Variants in TPH2 observed in about 807,000 individuals in gnomAD.
TPH2 encodes the protein tryptophan hydroxylase 2, also known as tryptophan 5-hydroxylase 2.
In TPH2, 27 loss-of-function variants were observed where a neutral mutation model predicts 59.1. That is an observed-to-expected ratio of 0.46 (90% CI 0.34 to 0.63). The LOEUF (loss-of-function observed/expected upper bound fraction) is 0.63. Ranked by LOEUF, TPH2 falls within the 30% of genes least tolerant of loss-of-function variation. The pLI is 0.01. For missense variants in TPH2, 523 were observed against 588.3 expected (o/e 0.89, Z 1.15); for synonymous variants, 220 against 210.5 (o/e 1.05, Z -0.39).
At chr12:71,949,787 C>A in intron 5 of TPH2, 132 bp downstream of exon 5, 1 of 722,268 alleles carries the variant, frequency 1.4e-6, no homozygotes, top group South Asian at 1.5e-5. Flanking sequence ...CACTCACCAA[C>A]TCTGTAGGCT....
At chr12:71,967,699 G>C (rs878882432) in intron 5 of TPH2, among the ~76,000 whole-genome samples, 1 of 152,160 alleles carries the variant, frequency 6.6e-6, no homozygotes, top group African/African-American at 2.4e-5. Flanking sequence ...CTGTTGAGGA[G>C]TATTATCTTG....
At chr12:72,002,892 A>G (rs1872862540) in intron 8 of TPH2, among the ~76,000 whole-genome samples, 1 of 152,126 alleles carries the variant, frequency 6.6e-6, no homozygotes, top group African/African-American at 2.4e-5. Flanking sequence ...TTTGGTGGTC[A>G]TGAATCACGT....
intron 7 of TPH2, among the ~76,000 whole-genome samples, chr12:71,980,062 G>A (rs1872232528): frequency 6.6e-6 from 1 of 152,168 alleles, no homozygotes; most frequent in African/African-American, 2.4e-5. Flanking sequence ...GAGATGGAGA[G>A]TCCTGGGTGC....
At chr12:71,942,661 C>T (rs1459460149) in intron 2 of TPH2, among the ~76,000 whole-genome samples, 3 of 152,080 alleles carry the variant, frequency 2.0e-5, no homozygotes, top group Non-Finnish European at 4.4e-5. Context: ...GCTGGGACGA[C>T]ATAATATGAG....
At chr12:71,984,408 A>G (rs188258597) in intron 7 of TPH2, among the ~76,000 whole-genome samples, 401 of 152,270 alleles carry the variant, frequency 2.6e-3, no homozygotes, top group African/African-American at 9.4e-3. Context: ...GATGTCTCTC[A>G]CTAGGTCCAT....
At chr12:71,970,591 GC>G (rs1306815777) in intron 5 of TPH2, among the ~76,000 whole-genome samples, 1 of 152,148 alleles carries the variant, frequency 6.6e-6, no homozygotes, top group African/African-American at 2.4e-5. Flanking sequence ...GCCCTTATTA[GC>G]TTTACTGGCT....
intron 5 of TPH2, among the ~76,000 whole-genome samples, chr12:71,957,771 A>T (rs1028530575): frequency 6.6e-6 from 1 of 152,204 alleles, no homozygotes; most frequent in Admixed American, 6.5e-5. Context: ...AATCATGCAC[A>T]TAGTTTGCTT....
At chr12:71,950,871 A>G (rs917783661) in intron 5 of TPH2, among the ~76,000 whole-genome samples, 1 of 152,164 alleles carries the variant, frequency 6.6e-6, no homozygotes, top group African/African-American at 2.4e-5. Flanking sequence ...AAGATTCTTC[A>G]TCCCACCTCT....
At chr12:71,962,249 T>A (rs942790323) in intron 5 of TPH2, 45 of 985,314 alleles carry the variant, frequency 4.6e-5, no homozygotes, top group Non-Finnish European at 5.2e-5. Flanking sequence ...GATTTGTGAG[T>A]TTTTGTTTGT....
intron 7 of TPH2, among the ~76,000 whole-genome samples, chr12:71,982,633 A>G (rs1009080179): frequency 2.6e-5 from 4 of 152,230 alleles, no homozygotes; most frequent in African/African-American, 4.8e-5. Flanking sequence ...CTTTGTAATG[A>G]AATCCCATTT....
At chr12:72,002,702 T>C (rs1872856843) in intron 8 of TPH2, among the ~76,000 whole-genome samples, 1 of 152,158 alleles carries the variant, frequency 6.6e-6, no homozygotes, top group African/African-American at 2.4e-5. Flanking sequence ...AGAATGTTTT[T>C]TGAAAGGGCG....
Position 72,031,556 on chromosome 12 carries a change from T to C in TPH2, c.1334T>C (p.Val445Ala), listed in dbSNP as rs770482427. ...AAGTCAATTACCCGTCCCTTCTCAG[T>C]ATACTTCAATCCCTACACACAGAGT... ...FAKSITRPFS[V>A]YFNPYTQSIE... Residue 445 changes from valine to alanine, a missense_variant, in exon 11 of 11, where the codon GTA (valine) becomes GCA (alanine). By Grantham distance (64) the Val-to-Ala change is moderately conservative. Transcript: ENST00000333850. 6.2e-7 allele frequency: 1 copy of C among 1,613,684 alleles called. No individual in the cohort carries two copies.
At chr12:71,989,199 T>C (rs1872520078) in intron 7 of TPH2, among the ~76,000 whole-genome samples, 1 of 151,906 alleles carries the variant, frequency 6.6e-6, no homozygotes, top group South Asian at 2.1e-4. Flanking sequence ...CTTATCTGGG[T>C]CAGATTTTAC....
intron 6 of TPH2, 114 bp from the exon 7 acceptor site, chr12:71,978,838 A>G: frequency 7.4e-7 from 1 of 1,359,428 alleles, no homozygotes; most frequent in Non-Finnish European, 1.1e-6. Flanking sequence ...CAAGAGGTTT[A>G]TGACCTTGAT....
chr12:72,020,199 T>C (rs2139243154), intron 8 of TPH2, among the ~76,000 whole-genome samples: 1 of 152,340 alleles, frequency 6.6e-6, no homozygotes, highest in East Asian at 1.9e-4. Context: ...AGGCTAGAGA[T>C]GCTGCTAAAC....
intron 5 of TPH2, among the ~76,000 whole-genome samples, chr12:71,967,571 T>G (rs1476204488): frequency 5.9e-5 from 9 of 152,332 alleles, no homozygotes; most frequent in African/African-American, 2.2e-4. Context: ...CTCCAGTAAA[T>G]TAAGAACCTG....
intron 9 of TPH2, among the ~76,000 whole-genome samples, chr12:72,023,901 T>C (rs960871905): frequency 6.6e-6 from 1 of 151,496 alleles, no homozygotes; most frequent in African/African-American, 2.4e-5. Context: ...TTTAGACATA[T>C]TAACCCATGT....
At position 72,004,963 on chromosome 12, in the gene TPH2, C is replaced by T. The variant is rs888553577; in HGVS notation, c.1068+10398C>T. Reference sequence around the variant, plus strand: ...ATGAATGGTATCACAATAAGAAACACGACATGAGATTGAACACACAGTGAT... The same window carrying T: ...ATGAATGGTATCACAATAAGAAACATGACATGAGATTGAACACACAGTGAT... On this transcript the variant is annotated intron_variant, in intron 8 of 10. Transcript: ENST00000333850. 3.3e-5 allele frequency among the ~76,000 whole-genome samples: 5 copies of T among 152,258 alleles called. No individual in the cohort carries two copies. In the East Asian group the frequency reaches 5.8e-4, roughly 18 times the overall value.
chr12:72,022,528 G>A, intron 9 of TPH2, 34 bp downstream of exon 9: 2 of 1,448,920 alleles, frequency 1.4e-6, no homozygotes, highest in Non-Finnish European at 1.9e-6. Context: ...CCCTTCCCAT[G>A]CAAACTGGTT....
Sources: allele counts gnomAD v4.1 joint callset (sites outside exome capture counted in the v4.1 genomes callset), GRCh38; gene constraint gnomAD v4.1.1; transcripts MANE v1.5; gene names NCBI Gene and HGNC (gene_info 2026-07-23, HGNC 2026-07-21).